Variants in EXT2 observed in about 807,000 individuals in gnomAD.
EXT2 encodes the protein exostosin-2.
In EXT2, 53 loss-of-function variants were observed where a neutral mutation model predicts 81.6. The observed-to-expected ratio is 0.65, with a 90% CI of 0.52 to 0.82. The LOEUF is 0.82. EXT2 is among the 40% of genes least tolerant of loss of function. The probability of loss-of-function intolerance (pLI) is 0.00; values close to 1 mark genes in which losing one functional copy is unlikely to be tolerated. For synonymous variants in EXT2, 320 were observed against 340.0 expected (o/e 0.94, Z 0.65); for missense variants, 774 against 910.2 (o/e 0.85, Z 1.93).
intron 1 of EXT2, among the ~76,000 whole-genome samples, chr11:44,096,626 C>G (rs541125963): frequency 2.0e-5 from 3 of 152,222 alleles, no homozygotes; most frequent in African/African-American, 7.2e-5. Context: ...GCATGTTAGT[C>G]TCGGGACTAG....
chr11:44,158,021 A>G (rs1954879748), intron 7 of EXT2, among the ~76,000 whole-genome samples: 1 of 152,212 alleles, frequency 6.6e-6, no homozygotes, highest in African/African-American at 2.4e-5. Flanking sequence ...AGGGCCTGGA[A>G]TGAGGGTTTC....
At chr11:44,124,449 A>ACACACG (rs1397148579) in intron 4 of EXT2, among the ~76,000 whole-genome samples, 1 of 137,850 alleles carries the variant, frequency 7.3e-6, no homozygotes, top group Non-Finnish European at 1.5e-5. Context: ...TCTCCTACAC[A>ACACACG]CACACACACA....
At chr11:44,159,358 G>A (rs1330816740) in intron 7 of EXT2, among the ~76,000 whole-genome samples, 6 of 149,104 alleles carry the variant, frequency 4.0e-5, no homozygotes, top group African/African-American at 1.5e-4. Flanking sequence ...TTTTTTTTCT[G>A]TGCTTTTCAG....
intron 4 of EXT2, among the ~76,000 whole-genome samples, chr11:44,121,378 T>A (rs1316139510): frequency 2.6e-5 from 4 of 152,220 alleles, no homozygotes; most frequent in Non-Finnish European, 5.9e-5. Flanking sequence ...CAGATGTCTA[T>A]CTATTTGTGC....
intron 7 of EXT2, among the ~76,000 whole-genome samples, chr11:44,153,011 C>T (rs1418310719): frequency 6.6e-6 from 1 of 152,138 alleles, no homozygotes; most frequent in African/African-American, 2.4e-5. Flanking sequence ...TGGATCTTTA[C>T]CTCTCTATAC....
At chr11:44,148,243 G>A (rs1954747292) in intron 7 of EXT2, among the ~76,000 whole-genome samples, 1 of 152,140 alleles carries the variant, frequency 6.6e-6, no homozygotes, top group Non-Finnish European at 1.5e-5. Context: ...ATGTTGTTGA[G>A]GAAACTTCTT....
chr11:44,108,099 G>C lies in EXT2; in HGVS notation c.387G>C (p.Glu129Asp), dbSNP rs372985422. 1 of 1,614,110 alleles carries C rather than the reference G, an allele frequency of 6.2e-7. No individual in the cohort carries two copies. The highest frequency in any genetic ancestry group is 8.5e-7 in the Non-Finnish European group (1 of 1,180,054). ...GVSVSNTISR[E>D]YNELLMAISD... The stretch of plus-strand genomic sequence containing the variant: ...CTGTCAGCAACACCATCTCCCGGGA[G>C]TATAATGAACTGCTCATGGCCATCT... Residue 129 changes from glutamate (E) to aspartate (D), a missense_variant, in exon 2 of 14, where the codon GAG becomes GAC. Around this residue, in one of 2 missense-constraint regions of EXT2, gnomAD observed 626 missense variants for 670.5 expected, o/e 0.93. Transcript: ENST00000533608.
chr11:44,144,181 GT>G, intron 7 of EXT2: 1 of 1,416,572 alleles, frequency 7.1e-7, no homozygotes, highest in Non-Finnish European at 9.9e-7. Flanking sequence ...GTTGACCCAA[GT>G]TGTGCTCTTA....
intron 8 of EXT2, among the ~76,000 whole-genome samples, chr11:44,172,316 T>C (rs183680287): frequency 6.6e-6 from 1 of 152,300 alleles, no homozygotes; most frequent in African/African-American, 2.4e-5. Context: ...TGGGCCTTCC[T>C]CCTTGTGTGA....
chr11:44,209,840 G>A (rs1320942795), intron 10 of EXT2, among the ~76,000 whole-genome samples: 1 of 152,144 alleles, frequency 6.6e-6, no homozygotes, highest in Admixed American at 6.5e-5. Context: ...TTGTTATAGT[G>A]TCTTTTTTTC....
rs949463302 is a variant in EXT2 at position 44,246,741 on chromosome 11, G to A, written c.*2454G>A. On this transcript the variant is annotated 3_prime_UTR_variant, in exon 14 of 14. Transcript: ENST00000533608. ...GATTCATGGATTCAGAGTGGGCTAG[G>A]GACTCCACTTTATTGTTCGTGTATT... Among the ~76,000 whole-genome samples the A allele has an allele frequency of 2.0e-5, 3 of 152,164 alleles. No homozygotes were observed. The highest frequency in any genetic ancestry group is 7.2e-5 in the African/African-American group (3 of 41,420).
chr11:44,106,699 G>A (rs1249764261), intron 1 of EXT2, among the ~76,000 whole-genome samples: 1 of 152,048 alleles, frequency 6.6e-6, no homozygotes, highest in Non-Finnish European at 1.5e-5. Context: ...GCACGATCTC[G>A]GCTCACCGCA....
intron 12 of EXT2, among the ~76,000 whole-genome samples, chr11:44,236,064 T>TA (rs1955960165): frequency 6.6e-6 from 1 of 152,204 alleles, no homozygotes; most frequent in South Asian, 2.1e-4. Context: ...TCTTTCCAGT[T>TA]ACAGAAGGCA....
At chr11:44,234,342 G>C in intron 12 of EXT2, 99 bp downstream of exon 12, 1 of 1,217,808 alleles carries the variant, frequency 8.2e-7, no homozygotes, top group Non-Finnish European at 1.2e-6. Flanking sequence ...TATAGGACTA[G>C]ATAAACTTTA....
At chr11:44,243,618 C>CTTTTTTTTTT (rs1215047805) in intron 13 of EXT2, among the ~76,000 whole-genome samples, 12 of 72,896 alleles carry the variant, frequency 1.6e-4, no homozygotes, top group Non-Finnish European at 2.0e-4. Flanking sequence ...GCCCTGTCAC[C>CTTTTTTTTTT]TTTTTTTTTT....
At chr11:44,125,091 C>T (rs1954381384) in intron 5 of EXT2, 107 bp downstream of exon 5, 1 of 1,040,038 alleles carries the variant, frequency 9.6e-7, no homozygotes, top group South Asian at 1.3e-5. Context: ...ACTAGAATTA[C>T]CCAAGGGGAA....
intron 10 of EXT2, among the ~76,000 whole-genome samples, chr11:44,224,412 A>T (rs550702772): frequency 2.0e-5 from 3 of 152,006 alleles, no homozygotes; most frequent in African/African-American, 7.2e-5. Context: ...ATGTGTTTAT[A>T]TTTATATTGA....
intron 10 of EXT2, among the ~76,000 whole-genome samples, chr11:44,211,838 T>C (rs1340286059): frequency 6.6e-6 from 1 of 152,220 alleles, no homozygotes. Context: ...TTCTACAATG[T>C]AAATGTTTAT....
chr11:44,113,252 A>C (rs1013837820), intron 3 of EXT2, among the ~76,000 whole-genome samples: 1 of 152,198 alleles, frequency 6.6e-6, no homozygotes, highest in African/African-American at 2.4e-5. Flanking sequence ...GTAGGTTGTC[A>C]TCAGGGCAGG....
Sources: gnomAD v4.1 joint callset for allele counts (sites outside exome capture counted in the v4.1 genomes callset) on GRCh38, gnomAD v4.1.1 for gene constraint, gnomAD v4.1.1 regional missense constraint, MANE v1.5 for transcripts, NCBI Gene and HGNC (gene_info 2026-07-23, HGNC 2026-07-21) for gene names.